PTPRD: variants seen among roughly 807,000 people sequenced by gnomAD.
PTPRD encodes receptor-type tyrosine-protein phosphatase delta.
Under a neutral mutation model 214.5 loss-of-function variants are expected in PTPRD, and 34 were observed. That is an observed-to-expected ratio of 0.16 (90% CI 0.12 to 0.21). The LOEUF is 0.21. Among genes scored for constraint, PTPRD ranks in the 10% least tolerant of loss-of-function variants. PTPRD has a pLI of 1.00. For synonymous variants in PTPRD, 1,128 were observed against 845.7 expected, an observed-to-expected ratio of 1.33 and a Z score of -5.79; for missense variants, 2,545 against 2,398.7, an observed-to-expected ratio of 1.06 and a Z score of -1.27.
chr9:9,841,175 G>C (rs527727360), intron 5 of PTPRD, among the ~76,000 whole-genome samples: 1 of 152,038 alleles, frequency 6.6e-6, no homozygotes, highest in Non-Finnish European at 1.5e-5. Flanking sequence ...ATTTTGCATC[G>C]TCGGAATCAT....
rs77809373 is a variant in PTPRD, at chr9:9,916,272, G to A, written c.-368+22235C>T. On this transcript the variant is annotated intron_variant, in intron 5 of 45. Transcript: ENST00000381196. ...GTAAAAAGGTGGTAAATACCATCAT[G>A]GAAACATACAAAACTCAAATTCACT... 5.3e-3 allele frequency among the ~76,000 whole-genome samples: 805 copies of A among 151,802 alleles called. 8 individuals carry two copies. The highest frequency in any genetic ancestry group is 0.018 in the African/African-American group (763 of 41,434).
chr9:10,189,188 T>C (rs2099351534), intron 3 of PTPRD, among the ~76,000 whole-genome samples: 1 of 152,166 alleles, frequency 6.6e-6, no homozygotes. Context: ...CTTCTTTCTT[T>C]GGAATCCTAA....
chr9:9,519,924 A>C (rs2096925572), intron 8 of PTPRD, among the ~76,000 whole-genome samples: 1 of 152,106 alleles, frequency 6.6e-6, no homozygotes, highest in African/African-American at 2.4e-5. Context: ...TTATAAAGTT[A>C]CTGTCATGAA....
At chr9:10,427,325 A>G (rs903617421) in intron 2 of PTPRD, among the ~76,000 whole-genome samples, 10 of 152,076 alleles carry the variant, frequency 6.6e-5, no homozygotes, top group Non-Finnish European at 1.2e-4. Context: ...GCCTCACTAA[A>G]TATGATTATA....
intron 5 of PTPRD, among the ~76,000 whole-genome samples, chr9:9,838,179 T>C (rs2057346531): frequency 6.7e-6 from 1 of 149,686 alleles, no homozygotes. Flanking sequence ...TGTTGGACAT[T>C]TGGGTTGGTT....
At chr9:10,496,800 G>T (rs894984324) in intron 2 of PTPRD, among the ~76,000 whole-genome samples, 3 of 151,992 alleles carry the variant, frequency 2.0e-5, no homozygotes, top group Non-Finnish European at 4.4e-5. Context: ...CTTTAACGGG[G>T]TTATGTGATT....
chr9:10,353,923 A>AT (rs2097223343), intron 2 of PTPRD, among the ~76,000 whole-genome samples: 1 of 152,100 alleles, frequency 6.6e-6, no homozygotes, highest in Non-Finnish European at 1.5e-5. Flanking sequence ...GAATTCACCC[A>AT]TAAAAAAATC....
chr9:8,491,314 G>T (rs2097144504), intron 27 of PTPRD, among the ~76,000 whole-genome samples: 1 of 152,108 alleles, frequency 6.6e-6, no homozygotes, highest in Admixed American at 6.6e-5. Context: ...TAAATAAAAA[G>T]GGATGAGCTA....
chr9:10,391,042 C>T (rs904980995), intron 2 of PTPRD, among the ~76,000 whole-genome samples: 1 of 151,728 alleles, frequency 6.6e-6, no homozygotes, highest in Non-Finnish European at 1.5e-5. Flanking sequence ...TGCAGTGTCT[C>T]ACTAAGAGGC....
chr9:9,928,170 C>T (rs2085013813), intron 5 of PTPRD, among the ~76,000 whole-genome samples: 1 of 152,070 alleles, frequency 6.6e-6, no homozygotes, highest in Non-Finnish European at 1.5e-5. Context: ...TATTAAATAA[C>T]TTTTGTTGCT....
chr9:8,465,766 G>T, intron 31 of PTPRD, 91 bp from the exon 32 acceptor site: 1 of 1,102,806 alleles, frequency 9.1e-7, no homozygotes, highest in Non-Finnish European at 1.3e-6. Flanking sequence ...TCAGAACTGG[G>T]AACAACCCAA....
intron 3 of PTPRD, among the ~76,000 whole-genome samples, chr9:10,245,735 T>C (rs2091967820): frequency 6.6e-6 from 1 of 152,090 alleles, no homozygotes; most frequent in Admixed American, 6.6e-5. Context: ...TGTATATGTG[T>C]GTGTATTGGG....
At chr9:9,198,551 T>C (rs539696751) in intron 9 of PTPRD, among the ~76,000 whole-genome samples, 1 of 152,316 alleles carries the variant, frequency 6.6e-6, no homozygotes, top group East Asian at 1.9e-4. Flanking sequence ...AGAATTTTAG[T>C]TAATTTCTTC....
chr9:9,638,624 T>C (rs533575835), intron 7 of PTPRD, among the ~76,000 whole-genome samples: 3 of 152,188 alleles, frequency 2.0e-5, no homozygotes, highest in Non-Finnish European at 4.4e-5. Context: ...AGTATTCATA[T>C]CAAAACTCTT....
chr9:10,379,105 C>A (rs2097776233), intron 2 of PTPRD, among the ~76,000 whole-genome samples: 1 of 151,350 alleles, frequency 6.6e-6, no homozygotes, highest in African/African-American at 2.4e-5. Context: ...TTTTAAATTT[C>A]TTTTTTCAGA....
Position 10,375,874 on chromosome 9 carries a change from T to A in PTPRD, c.-599-34857A>T, listed in dbSNP as rs186503513. Among the ~76,000 whole-genome samples, 131 of 152,158 alleles carry A rather than the reference T, an allele frequency of 8.6e-4. 1 individual carries two copies. Among genetic ancestry groups the A allele is most frequent in the African/African-American group, 2.7e-3 (113 of 41,560 alleles). ...AATTTTTCTAAATATTGAGATTAGC[T>A]TATCGTGCCCTATTTTGAATTTGCA... is the stretch of plus-strand genomic sequence containing the variant. On this transcript the variant is annotated intron_variant, in intron 2 of 45. Coordinates refer to ENST00000381196, the MANE Select transcript of PTPRD (RefSeq NM_002839.4).
chr9:8,973,850 G>A (rs372883051), intron 11 of PTPRD, among the ~76,000 whole-genome samples: 118 of 152,182 alleles, frequency 7.8e-4, no homozygotes, highest in African/African-American at 2.5e-3. Flanking sequence ...TTTGTTGGCT[G>A]CTTGTATGTC....
intron 5 of PTPRD, among the ~76,000 whole-genome samples, chr9:9,866,998 G>C (rs1480613047): frequency 6.6e-6 from 1 of 151,828 alleles, no homozygotes; most frequent in East Asian, 1.9e-4. Context: ...TATTTCTTTT[G>C]GCTTTATAGT....
At chr9:8,575,028 A>G (rs2092087169) in intron 14 of PTPRD, among the ~76,000 whole-genome samples, 1 of 152,122 alleles carries the variant, frequency 6.6e-6, no homozygotes, top group Non-Finnish European at 1.5e-5. Flanking sequence ...TATTTCATTA[A>G]CGCGTTTGCA....
Sources: allele counts gnomAD v4.1 joint callset (sites outside exome capture counted in the v4.1 genomes callset), GRCh38; gene constraint gnomAD v4.1.1; transcripts MANE v1.5; gene names NCBI Gene and HGNC (gene_info 2026-07-23, HGNC 2026-07-21).